Variants in CACNA1C observed in about 807,000 individuals in gnomAD.
CACNA1C encodes voltage-dependent L-type calcium channel subunit alpha-1C.
A neutral mutation model predicts 229.0 loss-of-function variants in CACNA1C; 30 were observed. That is an observed-to-expected ratio of 0.13 (90% confidence interval 0.10 to 0.18). The LOEUF is 0.18. Ranked by LOEUF, CACNA1C falls within the 10% of genes least tolerant of loss-of-function variation. CACNA1C has a pLI of 1.00. For synonymous variants in CACNA1C, 1,114 were observed against 1,132.5 expected (o/e 0.98, Z 0.33); for missense variants, 1,658 against 2,845.0 (o/e 0.58, Z 9.49).
chr12:2,327,490 C>T (rs1356153692), intron 3 of CACNA1C, among the ~76,000 whole-genome samples: 4 of 152,224 alleles, frequency 2.6e-5, no homozygotes, highest in Admixed American at 6.5e-5. Context: ...ATTCTGATTT[C>T]GTTCTGTGCC....
Position 2,691,496 on chromosome 12 carries a change from C to A in CACNA1C, c.*297C>A, listed in dbSNP as rs886049212. 6.7e-5 allele frequency: 22 copies of A among 330,342 alleles called. No individual in the cohort carries two copies. The highest frequency in any genetic ancestry group is 4.5e-4 in the African/African-American group (21 of 46,952). The allele number at this position is 330,342 out of a possible 1,614,324, so 20.5% of individuals were successfully genotyped here. On this transcript the variant is annotated 3_prime_UTR_variant, in exon 47 of 47. Coordinates refer to ENST00000399655, the MANE Select transcript of CACNA1C (RefSeq NM_000719.7). The stretch of plus-strand genomic sequence containing the variant: ...CGGCCGCGCCTCCGCGGGGAGAGCA[C>A]CCCGGCTTCCCGCGCGCCCTCACCA...
At chr12:2,384,373 A>C (rs1436805160) in intron 3 of CACNA1C, among the ~76,000 whole-genome samples, 1 of 152,014 alleles carries the variant, frequency 6.6e-6, no homozygotes, top group Non-Finnish European at 1.5e-5. Context: ...ATGTTGTTGG[A>C]TCTTACTCCA....
intron 9 of CACNA1C, among the ~76,000 whole-genome samples, chr12:2,546,137 T>C (rs544519612): frequency 1.1e-4 from 17 of 152,280 alleles, no homozygotes; most frequent in African/African-American, 4.1e-4. Flanking sequence ...CTTCACACTC[T>C]TCCGTGCAGT....
intron 3 of CACNA1C, among the ~76,000 whole-genome samples, chr12:2,378,269 A>G (rs997843087): frequency 7.9e-5 from 12 of 152,204 alleles, no homozygotes; most frequent in African/African-American, 2.7e-4. Context: ...AAAAAGAGGA[A>G]CAGCTTCCAG....
chr12:2,044,482 G>A (rs778002545), intron 1 of CACNA1C, among the ~76,000 whole-genome samples: 19 of 152,118 alleles, frequency 1.2e-4, no homozygotes, highest in East Asian at 3.8e-4. Flanking sequence ...TAACTTCCCC[G>A]CCCCCAGGTA....
chr12:2,146,577 CGGTG>C (rs2154201047), intron 3 of CACNA1C, among the ~76,000 whole-genome samples: 1 of 151,068 alleles, frequency 6.6e-6, no homozygotes, highest in South Asian at 2.1e-4. Context: ...TGTGGGGAGG[CGGTG>C]GGCACAGGCC....
chr12:2,107,119 G>T lies in CACNA1C; in HGVS notation c.50-8105G>T, dbSNP rs867830177. The stretch of plus-strand genomic sequence containing the variant: ...AGCTGGGGTGTCCTGAAGCCACTGG[G>T]TGCCCACCCCGGGGAGGGTTTCCAC... On this transcript the variant is annotated intron_variant, in intron 1 of 46. Transcript: ENST00000399655. 1.4e-3 allele frequency among the ~76,000 whole-genome samples: 183 copies of T among 129,012 alleles called. 1 individual carries two copies. The highest frequency in any genetic ancestry group is 5.3e-3 in the African/African-American group (171 of 32,104). The allele number at this position is 129,012 out of a possible 152,430, so 84.6% of individuals were successfully genotyped here. A position where few individuals can be genotyped will look rare whatever the true frequency, so the allele number is the denominator to read the frequency against.
chr12:2,453,493 A>G (rs1263557989), intron 4 of CACNA1C, among the ~76,000 whole-genome samples: 2 of 152,124 alleles, frequency 1.3e-5, no homozygotes, highest in Admixed American at 6.5e-5. Context: ...CTCTGTGGCA[A>G]TGAATCTGTA....
chr12:2,126,330 G>A (rs1400205584), intron 3 of CACNA1C, among the ~76,000 whole-genome samples: 1 of 152,118 alleles, frequency 6.6e-6, no homozygotes, highest in East Asian at 1.9e-4. Flanking sequence ...CCTCTATGCA[G>A]CACATCGTTT....
chr12:2,492,027 A>G (rs1011027688), intron 6 of CACNA1C, among the ~76,000 whole-genome samples: 5 of 150,270 alleles, frequency 3.3e-5, no homozygotes, highest in African/African-American at 1.2e-4. Context: ...GTTATAGGCA[A>G]TCATTTATTT....
chr12:2,454,986 C>T lies in CACNA1C; in HGVS notation c.618-2581C>T, dbSNP rs138755170. ...TGGACGCCCTTCGCATGCACCCATC[C>T]CCTTCTTGCCAGTGAAGGAGCTCCG... On this transcript the variant is annotated intron_variant, in intron 4 of 46. Coordinates refer to ENST00000399655, the MANE Select transcript of CACNA1C (RefSeq NM_000719.7). 2.7e-3 allele frequency among the ~76,000 whole-genome samples: 418 copies of T among 152,292 alleles called. 4 individuals are homozygous for T. The highest frequency in any genetic ancestry group is 4.4e-3 in the Non-Finnish European group (302 of 67,996).
intron 3 of CACNA1C, among the ~76,000 whole-genome samples, chr12:2,389,838 C>T (rs1385770375): frequency 6.6e-6 from 1 of 152,166 alleles, no homozygotes; most frequent in Admixed American, 6.5e-5. Flanking sequence ...CCGAATCCCT[C>T]CTTTCACTCC....
intron 1 of CACNA1C, among the ~76,000 whole-genome samples, chr12:2,113,928 C>A (rs1366396334): frequency 6.6e-6 from 1 of 152,214 alleles, no homozygotes; most frequent in African/African-American, 2.4e-5. Context: ...CAGGTTGGAG[C>A]CCTGGGTTGC....
At chr12:2,461,397 C>A (rs564165883) in intron 5 of CACNA1C, among the ~76,000 whole-genome samples, 2 of 152,126 alleles carry the variant, frequency 1.3e-5, no homozygotes, top group East Asian at 1.9e-4. Flanking sequence ...ATCTTCTCAC[C>A]CTCTTAACAT....
At position 2,677,247 on chromosome 12, in the gene CACNA1C, C is replaced by G. The variant is rs777568541; in HGVS notation, c.4956+26C>G. On this transcript the variant is annotated intron_variant, in intron 40 of 46. Transcript: ENST00000399655. The surrounding 1 kb of genome is among the most constrained non-coding windows in gnomAD (Gnocchi z 7.4). ...GTGAGGGCCTGGGGGCGGGCCCACA[C>G]TCCAGGAAGGTCCTGGTCATTGCCT... 4 of 1,610,738 alleles carry G rather than the reference C, an allele frequency of 2.5e-6. No homozygotes were observed. Among genetic ancestry groups the G allele is most frequent in the Non-Finnish European group, 3.4e-6 (4 of 1,178,412 alleles).
rs769649741 is a variant in CACNA1C at position 2,624,222 on chromosome 12, C to T, written c.3829-10075C>T. On this transcript the variant is annotated intron_variant, in intron 29 of 46. Transcript: ENST00000399655. ...AACACAGTTCTGGAAATCTGTAGGGCGTCACCATGATTCGGGGAGGTAAAA... is the reference window on the plus strand; with the variant it reads ...AACACAGTTCTGGAAATCTGTAGGGTGTCACCATGATTCGGGGAGGTAAAA... 7.2e-5 allele frequency among the ~76,000 whole-genome samples: 11 copies of T among 152,158 alleles called. 1 individual carries two copies. The highest frequency in any genetic ancestry group is 1.2e-4 in the Non-Finnish European group (8 of 68,026).
intron 3 of CACNA1C, among the ~76,000 whole-genome samples, chr12:2,404,488 T>C (rs1200295914): frequency 6.6e-6 from 1 of 152,168 alleles, no homozygotes; most frequent in East Asian, 1.9e-4. Flanking sequence ...CAAGATTAAA[T>C]CAGTGACATT....
intron 3 of CACNA1C, among the ~76,000 whole-genome samples, chr12:2,441,515 A>T (rs1017861592): frequency 2.0e-5 from 3 of 152,242 alleles, no homozygotes; most frequent in Non-Finnish European, 4.4e-5. Flanking sequence ...GGAAGTGAAG[A>T]AGAGGAGCTC....
intron 3 of CACNA1C, among the ~76,000 whole-genome samples, chr12:2,216,550 G>T (rs1299054878): frequency 6.6e-6 from 1 of 152,204 alleles, no homozygotes; most frequent in African/African-American, 2.4e-5. Flanking sequence ...TCATAAGGCA[G>T]AGTTTTCTTA....
Sources: gnomAD v4.1 joint callset for allele counts (sites outside exome capture counted in the v4.1 genomes callset) on GRCh38, gnomAD v4.1.1 for gene constraint, Gnocchi (gnomAD v3.1) non-coding constraint, MANE v1.5 for transcripts, NCBI Gene and HGNC (gene_info 2026-07-23, HGNC 2026-07-21) for gene names.